The following PPFIBP1 variants were observed in gnomAD, a reference collection of about 807,000 sequenced individuals.
PPFIBP1 encodes liprin-beta-1.
In PPFIBP1, 112 loss-of-function variants were observed where a neutral mutation model predicts 137.8. The ratio of observed to expected loss-of-function variants is 0.81; its 90% CI spans 0.70 to 0.95. The LOEUF (loss-of-function observed/expected upper bound fraction) is 0.95, where lower values mean the gene tolerates loss of function less well. PPFIBP1 is among the 40% of genes least tolerant of loss of function. The probability of loss-of-function intolerance (pLI) is 0.00; values close to 1 mark genes in which losing one functional copy is unlikely to be tolerated. For synonymous variants in PPFIBP1, 378 were observed against 417.3 expected (o/e 0.91, Z 1.15); for missense variants, 1,083 against 1,196.6 (o/e 0.91, Z 1.40).
intron 2 of PPFIBP1, among the ~76,000 whole-genome samples, chr12:27,588,128 C>T (rs2052014714): frequency 6.6e-6 from 1 of 152,200 alleles, no homozygotes. Context: ...ACATTGCTAG[C>T]AAGTGTACAT....
chr12:27,598,005 A>G (rs1024969609), intron 2 of PPFIBP1, among the ~76,000 whole-genome samples: 5 of 151,934 alleles, frequency 3.3e-5, no homozygotes, highest in Admixed American at 6.6e-5. Flanking sequence ...GGGTTTCACC[A>G]TGTCAGCCAG....
chr12:27,593,349 G>A (rs2052768165), intron 2 of PPFIBP1: 1 of 418,658 alleles, frequency 2.4e-6, no homozygotes, highest in African/African-American at 2.1e-5. Context: ...AGATTCTGTG[G>A]TTCAACCCAG....
intron 2 of PPFIBP1, among the ~76,000 whole-genome samples, chr12:27,595,073 A>C (rs1250543056): frequency 6.6e-6 from 1 of 152,206 alleles, no homozygotes; most frequent in Non-Finnish European, 1.5e-5. Context: ...AATGGACCAA[A>C]CATCACAAAT....
chr12:27,665,874 A>G (rs1285860843), intron 12 of PPFIBP1, among the ~76,000 whole-genome samples: 4 of 152,358 alleles, frequency 2.6e-5, no homozygotes, highest in South Asian at 2.1e-4. Flanking sequence ...TGAACCTCTA[A>G]TAATCAGTGT....
intron 1 of PPFIBP1, among the ~76,000 whole-genome samples, chr12:27,558,824 T>A (rs1235375694): frequency 3.3e-5 from 5 of 152,176 alleles, no homozygotes; most frequent in Non-Finnish European, 7.4e-5. Context: ...AACCTATTTT[T>A]CTGGATATAA....
intron 4 of PPFIBP1, among the ~76,000 whole-genome samples, chr12:27,642,488 C>T (rs150961657): frequency 5.3e-4 from 81 of 152,268 alleles, no homozygotes; most frequent in African/African-American, 1.3e-3. Flanking sequence ...TCAAAAGAAA[C>T]GTAAGACAGT....
At chr12:27,689,342 C>G in intron 27 of PPFIBP1, 139 bp downstream of exon 27, 1 of 677,276 alleles carries the variant, frequency 1.5e-6, no homozygotes, top group Non-Finnish European at 2.3e-6. Flanking sequence ...ATCCTCAGCG[C>G]TTAGTTGTCT....
chr12:27,544,804 A>G (rs1946057984), intron 1 of PPFIBP1, among the ~76,000 whole-genome samples: 1 of 152,234 alleles, frequency 6.6e-6, no homozygotes, highest in Non-Finnish European at 1.5e-5. Flanking sequence ...AATTAGTTCA[A>G]CCATTGTGGA....
At chr12:27,673,186 A>G (rs552665886) in intron 15 of PPFIBP1, among the ~76,000 whole-genome samples, 4 of 152,296 alleles carry the variant, frequency 2.6e-5, no homozygotes, top group African/African-American at 9.6e-5. Flanking sequence ...TATATAATTG[A>G]ATATTAATTA....
chr12:27,605,616 A>G (rs2054449978), intron 2 of PPFIBP1, among the ~76,000 whole-genome samples: 1 of 152,156 alleles, frequency 6.6e-6, no homozygotes, highest in African/African-American at 2.4e-5. Flanking sequence ...AAATTATTAC[A>G]TATTTTTGCA....
intron 27 of PPFIBP1, 67 bp downstream of exon 27, chr12:27,689,270 T>G: frequency 6.9e-7 from 1 of 1,442,020 alleles, no homozygotes; most frequent in Non-Finnish European, 9.2e-7. Context: ...GGTTACCTGG[T>G]TATTCTGTTT....
In PPFIBP1 at chr12:27,593,975, A is replaced by C. The variant is rs181829669; in HGVS notation, c.-36+15736A>C. 2,357 of 1,409,836 alleles carry C rather than the reference A, an allele frequency of 1.7e-3. 5 individuals are homozygous for C. The highest frequency in any genetic ancestry group is 8.5e-3 in the South Asian group (428 of 50,240). The allele number at this position is 1,409,836 out of a possible 1,614,324, so 87.3% of individuals were successfully genotyped here. ...ACAGGGGAAATAGCCCACAGAGAGG[A>C]TCAGGTTGGAATTGGATTTGGAGCT... On this transcript the variant is annotated intron_variant, in intron 2 of 29. Transcript: ENST00000228425.
Position 27,692,650 on chromosome 12 carries a change from T to C in PPFIBP1, c.2925T>C (p.Asn975=). ...GTGCATTCTCTGAAGGCATCAACAA[T>C]CTGACGGTGAGTTTGTGAAATGAAT... ...QIGAFSEGIN[N]LTHMLKEDDM... is the part of the protein sequence containing the mutation. The change falls in exon 29 of 30, where the codon AAT becomes AAC. Residue 975 remains asparagine (N), a synonymous_variant. Transcript: ENST00000228425. 1 of 1,614,140 alleles carries C rather than the reference T, an allele frequency of 6.2e-7. No individual in the cohort carries two copies. Among genetic ancestry groups the C allele is most frequent in the Non-Finnish European group, 8.5e-7 (1 of 1,179,962 alleles).
At chr12:27,615,789 G>A (rs1426156834) in intron 2 of PPFIBP1, among the ~76,000 whole-genome samples, 3 of 152,094 alleles carry the variant, frequency 2.0e-5, no homozygotes, top group South Asian at 2.1e-4. Flanking sequence ...CACAGGGCAG[G>A]GTCAGGGACC....
chr12:27,578,149 C>A lies in PPFIBP1; in HGVS notation c.-123-3C>A, dbSNP rs1405556548. 6.6e-6 allele frequency: 1 copy of A among 151,482 alleles called. No individual in the cohort carries two copies. Among genetic ancestry groups the A allele is most frequent in the Non-Finnish European group, 1.5e-5 (1 of 67,898 alleles). 9.4% of individuals were successfully genotyped at this position (151,482 alleles called of 1,614,324 possible). On this transcript the variant is annotated splice_polypyrimidine_tract_variant and splice_region_variant and intron_variant, in intron 1 of 29. Coordinates refer to ENST00000228425, the MANE Select transcript of PPFIBP1 (RefSeq NM_003622.4). ...TGTCGTTTTTGTATTTGTTTCTTTTCAGTATAAAAGAACGTGTGGATCACT... is the reference window on the plus strand; with the variant it reads ...TGTCGTTTTTGTATTTGTTTCTTTTAAGTATAAAAGAACGTGTGGATCACT...
intron 21 of PPFIBP1, 73 bp from the exon 22 acceptor site, chr12:27,681,473 T>C: frequency 6.6e-7 from 1 of 1,504,060 alleles, no homozygotes; most frequent in Non-Finnish European, 9.2e-7. Flanking sequence ...GAATGTATAG[T>C]TGTTTAAAAC....
intron 1 of PPFIBP1, among the ~76,000 whole-genome samples, chr12:27,546,245 C>T (rs947369259): frequency 6.6e-6 from 1 of 152,154 alleles, no homozygotes; most frequent in Non-Finnish European, 1.5e-5. Flanking sequence ...CTGATCCCTA[C>T]ATTGATTAGC....
intron 21 of PPFIBP1, among the ~76,000 whole-genome samples, chr12:27,680,474 T>C (rs941330551): frequency 6.6e-6 from 1 of 152,184 alleles, no homozygotes; most frequent in Non-Finnish European, 1.5e-5. Context: ...AGCAACAGCT[T>C]CCACACCCTG....
chr12:27,553,176 G>A (rs929779667), intron 1 of PPFIBP1, among the ~76,000 whole-genome samples: 3 of 152,146 alleles, frequency 2.0e-5, no homozygotes, highest in Non-Finnish European at 4.4e-5. Flanking sequence ...TGCCCAGGCT[G>A]GGGATAGAGG....
Sources: allele counts gnomAD v4.1 joint callset (sites outside exome capture counted in the v4.1 genomes callset), GRCh38; gene constraint gnomAD v4.1.1; transcripts MANE v1.5; gene names NCBI Gene and HGNC (gene_info 2026-07-23, HGNC 2026-07-21).